Variants in SLC12A9 observed in about 807,000 individuals in gnomAD.
SLC12A9 encodes the protein solute carrier family 12 member 9, also known as CCC-interacting protein 1.
In SLC12A9, 55 loss-of-function variants were observed where a neutral mutation model predicts 66.0. The ratio of observed to expected loss-of-function variants is 0.83; its 90% CI spans 0.67 to 1.04. The LOEUF (loss-of-function observed/expected upper bound fraction) is 1.04, where lower values mean the gene tolerates loss of function less well. Among genes scored for constraint, SLC12A9 ranks in the 50% least tolerant of loss-of-function variants. The pLI, the probability that SLC12A9 is intolerant of heterozygous loss-of-function variation, is 0.00. For synonymous variants in SLC12A9, 577 were observed against 569.0 expected (o/e 1.01, Z -0.20); for missense variants, 1,061 against 1,241.9 (o/e 0.85, Z 2.19).
At position 100,854,808 on chromosome 7, in the gene SLC12A9, G is replaced by A. The variant is rs1814285069; in HGVS notation, c.316+54G>A. ...CTGGCCTGTTCTGCCTGCTAGGGAG[G>A]GTGTGGAAGGGGCCATTACCTTTGT... On this transcript the variant is annotated intron_variant, in intron 3 of 13. Transcript: ENST00000354161. The A allele has an allele frequency of 1.9e-6, 3 of 1,599,196 alleles. No homozygotes were observed. The African/African-American group carries it at 4.0e-5, about 21-fold the overall frequency.
chr7:100,830,957 A>G (rs1326190082), intron 1 of SLC12A9, among the ~76,000 whole-genome samples: 1 of 152,076 alleles, frequency 6.6e-6, no homozygotes, highest in Admixed American at 6.6e-5. Flanking sequence ...AACGTGGGTG[A>G]ACATTCACGT....
At chr7:100,829,517 G>T (rs951164031) in intron 1 of SLC12A9, among the ~76,000 whole-genome samples, 3 of 152,192 alleles carry the variant, frequency 2.0e-5, no homozygotes, top group Middle Eastern at 3.4e-3. Context: ...CCGGGTTGGG[G>T]GGGGTGGGCC....
At position 100,854,238 on chromosome 7, in the gene SLC12A9, T is replaced by C. The variant is rs1316595014; in HGVS notation, c.41T>C (p.Leu14Pro). The change falls in exon 2 of 14, where the codon CTG becomes CCG. Residue 14 changes from leucine to proline, a missense_variant. Transcript: ENST00000354161. ...TCACCTCTGCTGGCCTACCGGCTCC[T>C]GGGGGAGGAGGGGGTTGCCCTCCCT... ...ESSPLLAYRL[L>P]GEEGVALPAN... The C allele has an allele frequency of 6.3e-7, 1 of 1,576,902 alleles. No individual in the cohort carries two copies. Among genetic ancestry groups the C allele is most frequent in the Admixed American group, 2.1e-5 (1 of 47,030 alleles).
At chr7:100,842,833 A>C (rs1813814858) in intron 1 of SLC12A9, among the ~76,000 whole-genome samples, 1 of 152,222 alleles carries the variant, frequency 6.6e-6, no homozygotes, top group African/African-American at 2.4e-5. Flanking sequence ...TGTAGGTTGC[A>C]TGGTAGCTCT....
intron 3 of SLC12A9, 74 bp downstream of exon 3, chr7:100,854,828 C>T (rs1390809171): frequency 1.3e-6 from 2 of 1,568,252 alleles, no homozygotes; most frequent in Non-Finnish European, 1.7e-6. Flanking sequence ...GGGCCATTAC[C>T]TTTGTTGGCT....
intron 12 of SLC12A9, 127 bp from the exon 13 acceptor site, chr7:100,862,554 C>T: frequency 8.6e-7 from 1 of 1,167,602 alleles, no homozygotes; most frequent in Non-Finnish European, 1.2e-6. Context: ...CCCTCTGCCC[C>T]TTTTATCCTT....
At chr7:100,833,593 G>A (rs560704360) in intron 1 of SLC12A9, among the ~76,000 whole-genome samples, 2 of 151,774 alleles carry the variant, frequency 1.3e-5, no homozygotes, top group Admixed American at 1.3e-4. Flanking sequence ...GATCACTTGA[G>A]CCCAGGAGTT....
chr7:100,828,260 C>T (rs1308286586), intron 1 of SLC12A9, among the ~76,000 whole-genome samples: 1 of 151,986 alleles, frequency 6.6e-6, no homozygotes, highest in Non-Finnish European at 1.5e-5. Context: ...GTGGGTGTGG[C>T]GGGCGCGGTG....
chr7:100,855,094 G>A (rs1322770431), intron 3 of SLC12A9, among the ~76,000 whole-genome samples: 1 of 152,156 alleles, frequency 6.6e-6, no homozygotes, highest in African/African-American at 2.4e-5. Context: ...AACCTGGGAG[G>A]TGGAGGTTGC....
At chr7:100,857,713 C>T (rs1418665726) in intron 5 of SLC12A9, 1 of 155,724 alleles carries the variant, frequency 6.4e-6, no homozygotes, top group African/African-American at 2.4e-5. Context: ...TGAGACCAGT[C>T]TGGCCAACAT....
upstream of SLC12A9, among the ~76,000 whole-genome samples, chr7:100,848,083 C>CAAAAAAAAAAAAAAAAAAAA (rs36071720): frequency 2.3e-5 from 1 of 43,922 alleles, no homozygotes; most frequent in African/African-American, 5.5e-5. Flanking sequence ...GACTCCATCT[C>CAAAAAAAAAAAAAAAAAAAA]AAAAAAAAAA....
rs151132410 is a variant in SLC12A9 at position 100,857,774 on chromosome 7, C to T, written c.757+598C>T. On this transcript the variant is annotated intron_variant, in intron 5 of 13. Transcript: ENST00000354161. ...TAAAAACACGAAAATTAGCTGGGCA[C>T]GCTGGCTTGCACCTGTAGTGCCAGA... 9.0e-3 allele frequency: 1,374 copies of T among 153,214 alleles called. 17 individuals are homozygous for T. The highest frequency in any genetic ancestry group is 0.031 in the African/African-American group (1,278 of 41,456). The allele number at this position is 153,214 out of a possible 1,614,324, so 9.5% of individuals were successfully genotyped here.
chr7:100,849,601 A>G (rs1814012351), upstream of SLC12A9, among the ~76,000 whole-genome samples: 1 of 151,396 alleles, frequency 6.6e-6, no homozygotes, highest in African/African-American at 2.4e-5. Flanking sequence ...CTGTCATCCC[A>G]GCTACTCCAA....
At chr7:100,833,461 T>A (rs1417361067) in intron 1 of SLC12A9, among the ~76,000 whole-genome samples, 1 of 151,548 alleles carries the variant, frequency 6.6e-6, no homozygotes, top group Non-Finnish European at 1.5e-5. Context: ...AGAGCGAGAC[T>A]CTGTCTCAAA....
intron 1 of SLC12A9, among the ~76,000 whole-genome samples, chr7:100,829,517 G>C (rs951164031): frequency 6.6e-6 from 1 of 152,192 alleles, no homozygotes; most frequent in East Asian, 1.9e-4. Context: ...CCGGGTTGGG[G>C]GGGGTGGGCC....
rs561666408 is a variant in SLC12A9, at chr7:100,838,938, C to T, written n.228+11891C>T. 5.1e-4 allele frequency among the ~76,000 whole-genome samples: 78 copies of T among 152,150 alleles called. 1 individual carries two copies. The highest frequency in any genetic ancestry group is 8.9e-4 in the African/African-American group (37 of 41,520). Reference sequence around the variant, plus strand: ...TCCTGTTTTGTTCCGATCTAATTACCGGTGCATGCAGCCCCCAGTCACATA... The same window carrying T: ...TCCTGTTTTGTTCCGATCTAATTACTGGTGCATGCAGCCCCCAGTCACATA... On this transcript the variant is annotated intron_variant and non_coding_transcript_variant, in intron 1 of 1. Coordinates refer to the SLC12A9 transcript ENST00000461016.
At position 100,861,812 on chromosome 7, in the gene SLC12A9, G is replaced by A. The variant is rs1814773753; in HGVS notation, c.1612G>A (p.Val538Met). 1 of 1,614,100 alleles carries A rather than the reference G, an allele frequency of 6.2e-7. No homozygotes were observed. The highest frequency in any genetic ancestry group is 8.5e-7 in the Non-Finnish European group (1 of 1,179,988). The change falls in exon 12 of 14, where the codon GTG (valine) becomes ATG (methionine). Residue 538 changes from valine (V) to methionine (M), a missense_variant. Coordinates refer to ENST00000354161, the MANE Select transcript of SLC12A9 (RefSeq NM_020246.4). This position sits in a 1 kb window ranked among gnomAD's most constrained non-coding sequence, Gnocchi z 5.3. Reference protein sequence around the residue: ...KFWRPQLLLLVGNPRGALPLL... With the variant: ...KFWRPQLLLLMGNPRGALPLL... ...CTGGCGGCCCCAGCTGCTGCTCCTG[G>A]TGGGGAACCCCCGGGGCGCCCTGCC...
rs767607466 is a variant in SLC12A9 at position 100,861,187 on chromosome 7, T to TGTGG, written c.1268_1269insGTGG (p.Phe424TrpfsTer78). On this transcript the variant is annotated frameshift_variant, in exon 10 of 14. Transcript: ENST00000354161. LOFTEE classifies it high-confidence loss of function. This position sits in a 1 kb window ranked among gnomAD's most constrained non-coding sequence, Gnocchi z 5.3. Reference sequence around the variant, plus strand: ...AACACACTGGCTGCTGTGGTCACTGTCTTCTACCTGGTGGCCTATGCTGCC... The same window carrying TGTGG: ...AACACACTGGCTGCTGTGGTCACTGTGTGGCTTCTACCTGGTGGCCTATGCTGCC... The TGTGG allele has an allele frequency of 6.1e-5, 98 of 1,614,088 alleles. No homozygotes were observed. Among genetic ancestry groups the TGTGG allele is most frequent in the Non-Finnish European group, 3.4e-6 (4 of 1,180,038 alleles).
intron 1 of SLC12A9, among the ~76,000 whole-genome samples, chr7:100,843,551 G>A (rs1813832501): frequency 6.6e-6 from 1 of 152,232 alleles, no homozygotes. Context: ...AGGGCCCTGG[G>A]CAAGGCCAGT....
Sources: gnomAD v4.1 joint callset for allele counts (sites outside exome capture counted in the v4.1 genomes callset) on GRCh38, gnomAD v4.1.1 for gene constraint, Gnocchi (gnomAD v3.1) non-coding constraint, MANE v1.5 for transcripts, NCBI Gene and HGNC (gene_info 2026-07-23, HGNC 2026-07-21) for gene names.